Variants in TENM4 observed in about 807,000 individuals in gnomAD.
TENM4 encodes teneurin-4.
In TENM4, 82 loss-of-function variants were observed where a neutral mutation model predicts 243.3. The observed-to-expected ratio is 0.34, with a 90% CI of 0.28 to 0.40. The LOEUF is 0.40. TENM4 is among the 10% of genes least tolerant of loss of function. The pLI is 1.00. For synonymous variants in TENM4, 1,412 were observed against 1,456.3 expected (o/e 0.97, Z 0.69); for missense variants, 3,138 against 3,673.3 (o/e 0.85, Z 3.77).
At chr11:79,007,769 C>T (rs1411673774) in intron 6 of TENM4, among the ~76,000 whole-genome samples, 1 of 152,180 alleles carries the variant, frequency 6.6e-6, no homozygotes, top group Non-Finnish European at 1.5e-5. Context: ...AATCCTCTCC[C>T]TTGCTTGGCC....
intron 26 of TENM4, among the ~76,000 whole-genome samples, chr11:78,708,951 TTTTC>T (rs1261734555): frequency 9.7e-6 from 1 of 103,516 alleles, no homozygotes; most frequent in Non-Finnish European, 1.9e-5. Flanking sequence ...ACCATTTTTC[TTTTC>T]TTTCTTTTTC....
chr11:79,106,367 A>C (rs1440911065), intron 4 of TENM4, among the ~76,000 whole-genome samples: 2 of 152,252 alleles, frequency 1.3e-5, no homozygotes, highest in Non-Finnish European at 2.9e-5. Context: ...GCTTAGGGAC[A>C]GGCAGTCCCA....
intron 12 of TENM4, among the ~76,000 whole-genome samples, chr11:78,833,520 A>G (rs1858028636): frequency 6.6e-6 from 1 of 152,222 alleles, no homozygotes; most frequent in Non-Finnish European, 1.5e-5. Context: ...ACACCAGGTC[A>G]TTTATCTGAC....
chr11:79,181,967 G>A (rs1863289960), intron 3 of TENM4, among the ~76,000 whole-genome samples: 1 of 143,228 alleles, frequency 7.0e-6, no homozygotes, highest in African/African-American at 2.6e-5. Context: ...AAAAAAAACT[G>A]TTCCACGTTT....
chr11:79,076,055 C>T (rs898941789), intron 4 of TENM4, among the ~76,000 whole-genome samples: 3 of 152,082 alleles, frequency 2.0e-5, no homozygotes, highest in Non-Finnish European at 4.4e-5. Flanking sequence ...TAACGTGGGT[C>T]TTGGTTTTGG....
intron 2 of TENM4, among the ~76,000 whole-genome samples, chr11:79,232,340 A>C (rs1864388564): frequency 1.3e-5 from 2 of 152,240 alleles, no homozygotes; most frequent in Admixed American, 6.5e-5. Flanking sequence ...CCAAGAGAGC[A>C]TGCTGGGGCA....
intron 1 of TENM4, among the ~76,000 whole-genome samples, chr11:79,324,325 A>G (rs1354897579): frequency 6.6e-6 from 1 of 152,074 alleles, no homozygotes; most frequent in Non-Finnish European, 1.5e-5. Flanking sequence ...AGGCTCAAGC[A>G]ATCCTCCTGC....
At chr11:78,683,977 G>C (rs533823266) in intron 29 of TENM4, among the ~76,000 whole-genome samples, 244 of 152,222 alleles carry the variant, frequency 1.6e-3, no homozygotes, top group Middle Eastern at 3.4e-3. Context: ...AGTAAGTGCT[G>C]GCTTAAGACT....
At chr11:79,356,336 G>T (rs888933325) in intron 1 of TENM4, among the ~76,000 whole-genome samples, 2 of 152,144 alleles carry the variant, frequency 1.3e-5, no homozygotes, top group South Asian at 4.1e-4. Flanking sequence ...TACTAAGAAG[G>T]GATACTAATT....
At chr11:79,013,157 C>G (rs1471982606) in intron 6 of TENM4, among the ~76,000 whole-genome samples, 1 of 152,268 alleles carries the variant, frequency 6.6e-6, no homozygotes, top group East Asian at 1.9e-4. Context: ...GAAATGGCAA[C>G]ATTCAGGGGG....
intron 3 of TENM4, among the ~76,000 whole-genome samples, chr11:79,200,780 C>T (rs528575386): frequency 1.3e-5 from 2 of 152,156 alleles, no homozygotes; most frequent in Non-Finnish European, 2.9e-5. Context: ...AGCCTCTGAA[C>T]GTTTTGCCTG....
At chr11:78,931,290 G>A (rs554825160) in intron 6 of TENM4, among the ~76,000 whole-genome samples, 4 of 152,178 alleles carry the variant, frequency 2.6e-5, no homozygotes, top group East Asian at 1.9e-4. Context: ...GACATGCTAC[G>A]TCTGAGTCCT....
At chr11:79,004,404 T>C (rs1026252685) in intron 6 of TENM4, among the ~76,000 whole-genome samples, 8 of 152,100 alleles carry the variant, frequency 5.3e-5, no homozygotes, top group Non-Finnish European at 1.0e-4. Context: ...AATTAAGAGA[T>C]ACCAACCACG....
chr11:78,954,055 A>T (rs781256294), intron 6 of TENM4, among the ~76,000 whole-genome samples: 2 of 152,222 alleles, frequency 1.3e-5, no homozygotes, highest in Non-Finnish European at 2.9e-5. Flanking sequence ...AAACACCTAT[A>T]TAAATAATGG....
At chr11:79,132,958 T>G (rs1296693361) in intron 4 of TENM4, among the ~76,000 whole-genome samples, 3 of 150,910 alleles carry the variant, frequency 2.0e-5, no homozygotes, top group Non-Finnish European at 3.0e-5. Flanking sequence ...CAAGAACAAA[T>G]CAAACCCAAA....
At chr11:79,031,657 T>C (rs1473520874) in intron 6 of TENM4, among the ~76,000 whole-genome samples, 2 of 152,190 alleles carry the variant, frequency 1.3e-5, no homozygotes, top group Non-Finnish European at 2.9e-5. Context: ...GGTTTAGGAC[T>C]GTACCTGTGG....
chr11:78,882,649 A>G (rs970601472), intron 9 of TENM4, among the ~76,000 whole-genome samples: 3 of 152,208 alleles, frequency 2.0e-5, no homozygotes, highest in Non-Finnish European at 4.4e-5. Flanking sequence ...ATACCACTCT[A>G]CGCAACTTGC....
intron 4 of TENM4, among the ~76,000 whole-genome samples, chr11:79,121,058 T>G (rs1208202412): frequency 1.3e-5 from 2 of 152,200 alleles, no homozygotes; most frequent in Admixed American, 1.3e-4. Flanking sequence ...GTAGTTGTGA[T>G]CATATTGTCC....
intron 3 of TENM4, among the ~76,000 whole-genome samples, chr11:79,154,571 G>A (rs1862567051): frequency 2.0e-5 from 3 of 152,022 alleles, no homozygotes; most frequent in Admixed American, 6.5e-5. Context: ...TTCCCATCAG[G>A]GCCCCTTGTT....
Sources: allele counts gnomAD v4.1 joint callset (sites outside exome capture counted in the v4.1 genomes callset), GRCh38; gene constraint gnomAD v4.1.1; transcripts MANE v1.5; gene names NCBI Gene and HGNC (gene_info 2026-07-23, HGNC 2026-07-21).